Variants in PDE4D observed in about 807,000 individuals in gnomAD.
PDE4D encodes 3',5'-cyclic-AMP phosphodiesterase 4D.
A neutral mutation model predicts 87.4 loss-of-function variants in PDE4D; 24 were observed. The ratio of observed to expected loss-of-function variants is 0.27; its 90% CI spans 0.20 to 0.39. PDE4D has a LOEUF of 0.39. Ranked by LOEUF, PDE4D falls within the 10% of genes least tolerant of loss-of-function variation. The pLI, the probability that PDE4D is intolerant of heterozygous loss-of-function variation, is 1.00. For missense variants in PDE4D, 714 were observed against 1,041.0 expected, an observed-to-expected ratio of 0.69 and a Z score of 4.32; for synonymous variants, 384 against 383.2, an observed-to-expected ratio of 1.00 and a Z score of -0.02.
rs116837277 is a variant in PDE4D at position 60,267,882 on chromosome 5, T to C, written c.-89-82195A>G. Among the ~76,000 whole-genome samples, 1,074 of 152,320 alleles carry C rather than the reference T, an allele frequency of 7.1e-3. 11 individuals carry two copies. The highest frequency in any genetic ancestry group is 0.025 in the African/African-American group (1,021 of 41,564). On this transcript the variant is annotated intron_variant, in intron 1 of 16. Coordinates refer to the PDE4D transcript ENST00000502484. ...TGTGGCAAGATTTATCAGGGCGCTG[T>C]AGGAGTTTCTGACAAAGAAAGGGCA...
intron 1 of PDE4D, among the ~76,000 whole-genome samples, chr5:60,292,739 C>A (rs1051091563): frequency 2.6e-5 from 4 of 152,160 alleles, no homozygotes; most frequent in African/African-American, 7.2e-5. Context: ...GTCCTCTCCC[C>A]CTTCCCCAAC....
chr5:59,591,451 G>A (rs1220744349), intron 1 of PDE4D, among the ~76,000 whole-genome samples: 1 of 152,070 alleles, frequency 6.6e-6, no homozygotes, highest in East Asian at 1.9e-4. Context: ...TTTTCCCTGA[G>A]TTTCACTTTC....
intron 1 of PDE4D, among the ~76,000 whole-genome samples, chr5:59,705,098 A>G (rs1255276322): frequency 1.3e-5 from 2 of 152,314 alleles, no homozygotes; most frequent in Non-Finnish European, 2.9e-5. Flanking sequence ...AACTGGCTGT[A>G]TATTGAACAC....
intron 1 of PDE4D, among the ~76,000 whole-genome samples, chr5:59,217,618 G>T (rs1305374734): frequency 6.6e-6 from 1 of 152,166 alleles, no homozygotes; most frequent in Non-Finnish European, 1.5e-5. Flanking sequence ...AGATTGTCAA[G>T]TCGAACAGAC....
intron 2 of PDE4D, among the ~76,000 whole-genome samples, chr5:60,132,819 T>A (rs1170555824): frequency 6.6e-6 from 1 of 151,902 alleles, no homozygotes; most frequent in Non-Finnish European, 1.5e-5. Flanking sequence ...ATCGCACCAC[T>A]GCACTCCAGC....
intron 3 of PDE4D, among the ~76,000 whole-genome samples, chr5:59,938,097 G>C (rs1756799703): frequency 6.6e-6 from 1 of 152,156 alleles, no homozygotes; most frequent in Non-Finnish European, 1.5e-5. Context: ...ACTAACAAAT[G>C]TAACATGGGA....
chr5:60,417,397 T>C (rs1742700214), intron 1 of PDE4D, among the ~76,000 whole-genome samples: 1 of 152,222 alleles, frequency 6.6e-6, no homozygotes, highest in Non-Finnish European at 1.5e-5. Flanking sequence ...ATCTTTGTTC[T>C]GTTTTTTGTT....
At chr5:60,292,706 T>A (rs1280131656) in intron 1 of PDE4D, among the ~76,000 whole-genome samples, 2 of 152,212 alleles carry the variant, frequency 1.3e-5, no homozygotes, top group African/African-American at 2.4e-5. Context: ...AAAATGTAGA[T>A]GTGTTTCTAA....
intron 5 of PDE4D, among the ~76,000 whole-genome samples, chr5:59,131,844 GT>G (rs1776337358): frequency 1.3e-5 from 2 of 152,142 alleles, no homozygotes; most frequent in Admixed American, 1.3e-4. Flanking sequence ...GGGCCTCACA[GT>G]TTTTTGTTTT....
At chr5:59,836,887 A>C (rs1294355553) in intron 1 of PDE4D, among the ~76,000 whole-genome samples, 1 of 151,904 alleles carries the variant, frequency 6.6e-6, no homozygotes, top group Non-Finnish European at 1.5e-5. Context: ...CTCATCATAC[A>C]TCCTGGTTTT....
intron 1 of PDE4D, among the ~76,000 whole-genome samples, chr5:60,374,383 G>GCAAATCCTC (rs1018488866): frequency 1.3e-5 from 2 of 152,178 alleles, no homozygotes; most frequent in African/African-American, 4.8e-5. Context: ...AGTTTCAGGT[G>GCAAATCCTC]CAAATCCTCT....
At chr5:59,585,534 A>C (rs1398171506) in intron 1 of PDE4D, among the ~76,000 whole-genome samples, 1 of 152,240 alleles carries the variant, frequency 6.6e-6, no homozygotes, top group Non-Finnish European at 1.5e-5. Flanking sequence ...CTGCTATGAA[A>C]GTCAGAATCC....
At chr5:59,506,166 A>ATAATC (rs1809223572) in intron 1 of PDE4D, among the ~76,000 whole-genome samples, 1 of 152,170 alleles carries the variant, frequency 6.6e-6, no homozygotes, top group South Asian at 2.1e-4. Context: ...TGATTTGCTA[A>ATAATC]ATTAATATAA....
intron 1 of PDE4D, among the ~76,000 whole-genome samples, chr5:60,255,012 AAAG>A (rs1748889800): frequency 6.6e-6 from 1 of 151,874 alleles, no homozygotes; most frequent in African/African-American, 2.4e-5. Context: ...AATACTTCAT[AAAG>A]AAGAATACTG....
intron 1 of PDE4D, among the ~76,000 whole-genome samples, chr5:59,717,601 A>G (rs1755214250): frequency 6.6e-6 from 1 of 152,220 alleles, no homozygotes; most frequent in Non-Finnish European, 1.5e-5. Context: ...GAAACTAAGA[A>G]AAATTATTAG....
intron 2 of PDE4D, among the ~76,000 whole-genome samples, chr5:60,161,350 T>C (rs1173873258): frequency 6.6e-6 from 1 of 152,172 alleles, no homozygotes; most frequent in Non-Finnish European, 1.5e-5. Context: ...TTATCACCCA[T>C]GTCCCCCTTC....
intron 1 of PDE4D, among the ~76,000 whole-genome samples, chr5:60,321,047 C>T (rs1756211934): frequency 6.6e-6 from 1 of 152,082 alleles, no homozygotes; most frequent in Non-Finnish European, 1.5e-5. Flanking sequence ...ATTTGAAAAA[C>T]CCATTTTAAA....
intron 1 of PDE4D, among the ~76,000 whole-genome samples, chr5:59,517,684 A>C (rs1479575468): frequency 6.6e-6 from 1 of 152,196 alleles, no homozygotes; most frequent in South Asian, 2.1e-4. Context: ...TATATTTCAT[A>C]GGGTTGTAGC....
chr5:59,285,212 TAAAAA>T (rs35238877), intron 1 of PDE4D, among the ~76,000 whole-genome samples: 2 of 134,626 alleles, frequency 1.5e-5, no homozygotes, highest in African/African-American at 5.4e-5. Flanking sequence ...TAAAGTATAA[TAAAAA>T]AAAAAAAAAA....
Sources: allele counts gnomAD v4.1 joint callset (sites outside exome capture counted in the v4.1 genomes callset), GRCh38; gene constraint gnomAD v4.1.1; transcripts MANE v1.5; gene names NCBI Gene and HGNC (gene_info 2026-07-23, HGNC 2026-07-21).